Variants in SLC15A4 observed in about 807,000 individuals in gnomAD.
SLC15A4 encodes hPHT1.
In SLC15A4, 26 loss-of-function variants were observed where a neutral mutation model predicts 46.1. That is an observed-to-expected ratio of 0.56 (90% CI 0.41 to 0.78). The LOEUF (loss-of-function observed/expected upper bound fraction) is 0.78. SLC15A4 is among the 30% of genes least tolerant of loss of function. The probability of loss-of-function intolerance (pLI) is 0.00; values close to 1 mark genes in which losing one functional copy is unlikely to be tolerated. For missense variants in SLC15A4, 751 were observed against 755.7 expected (o/e 0.99, Z 0.07); for synonymous variants, 370 against 333.4 (o/e 1.11, Z -1.20).
intron 1 of SLC15A4, 96 bp from the exon 2 acceptor site, chr12:128,815,166 C>T (rs1223644996): frequency 8.2e-7 from 1 of 1,213,598 alleles, no homozygotes; most frequent in Non-Finnish European, 1.2e-6. Flanking sequence ...CCGTTGTCAT[C>T]ACAACCTTTA....
Position 128,823,720 on chromosome 12 carries a change from C to G in SLC15A4, c.224G>C (p.Ser75Thr), listed in dbSNP as rs201649968. 3,289 of 1,537,286 alleles carry G rather than the reference C, an allele frequency of 2.1e-3. 32 individuals carry two copies. The highest frequency in any genetic ancestry group is 0.021 in the South Asian group (1,756 of 83,528). Residue 75 changes from serine to threonine, a missense_variant, in exon 1 of 8, where the codon AGC (serine) becomes ACC (threonine). By Grantham distance (58) the Ser-to-Thr change is moderately conservative (BLOSUM62 1). Transcript: ENST00000266771. ...GCCCATGAAGAGCAGCAGCGCCTCGCTGGCCTGCGCGCCCTCCCAGCAGAA... is the reference window on the plus strand; with the variant it reads ...GCCCATGAAGAGCAGCAGCGCCTCGGTGGCCTGCGCGCCCTCCCAGCAGAA... ...APFCWEGAQA[S>T]EALLLFMGLT...
intron 5 of SLC15A4, among the ~76,000 whole-genome samples, chr12:128,803,118 G>A (rs1195590971): frequency 9.4e-6 from 1 of 106,832 alleles, no homozygotes; most frequent in Non-Finnish European, 2.4e-5. Context: ...CAACACAGCA[G>A]TCAGGATAAA....
intron 1 of SLC15A4, among the ~76,000 whole-genome samples, chr12:128,816,204 G>A (rs1955749371): frequency 2.6e-5 from 4 of 152,160 alleles, no homozygotes; most frequent in African/African-American, 9.7e-5. Context: ...CCCAAGCGGT[G>A]GGAACAGGTC....
At chr12:128,815,194 A>C (rs1443527786) in intron 1 of SLC15A4, 124 bp from the exon 2 acceptor site, 2 of 918,958 alleles carry the variant, frequency 2.2e-6, no homozygotes, top group East Asian at 4.9e-5. Context: ...CAACACAATC[A>C]AAATTGTGTT....
At position 128,811,016 on chromosome 12, in the gene SLC15A4, T is replaced by C. The variant is rs547884130; in HGVS notation, c.843-905A>G. Among the ~76,000 whole-genome samples, 7 of 152,282 alleles carry C rather than the reference T, an allele frequency of 4.6e-5. No homozygotes were observed. In the East Asian group the frequency reaches 1.4e-3, roughly 29 times the overall value. On this transcript the variant is annotated intron_variant, in intron 2 of 7. Transcript: ENST00000266771. ...TCACAGCAGGAACATGGACCTGGCA[T>C]CCCCAGCTCTTGTACTAACGAGTTT...
chr12:128,811,252 G>A (rs923632898), intron 2 of SLC15A4, among the ~76,000 whole-genome samples: 3 of 152,138 alleles, frequency 2.0e-5, no homozygotes, highest in African/African-American at 7.2e-5. Flanking sequence ...TTTAACTGTG[G>A]GAAGCCAACA....
chr12:128,800,017 A>G (rs1190880655), intron 6 of SLC15A4, among the ~76,000 whole-genome samples: 2 of 151,904 alleles, frequency 1.3e-5, no homozygotes, highest in Non-Finnish European at 2.9e-5. Context: ...AATTTTTTGT[A>G]TTTTTAGTAG....
At chr12:128,820,585 T>C (rs1422629401) in intron 1 of SLC15A4, among the ~76,000 whole-genome samples, 3 of 152,196 alleles carry the variant, frequency 2.0e-5, no homozygotes, top group Admixed American at 6.5e-5. Context: ...CTGTGTAACT[T>C]TGGGCCAATG....
At chr12:128,821,763 G>A (rs4760521) in intron 1 of SLC15A4, among the ~76,000 whole-genome samples, 50,101 of 151,636 alleles carry the variant, frequency 0.33, 8,426 homozygotes, top group Non-Finnish European at 0.36. Context: ...GCGTGCACGT[G>A]TAGTCTCAAC....
intron 5 of SLC15A4, among the ~76,000 whole-genome samples, chr12:128,806,988 C>A (rs181074906): frequency 1.3e-5 from 2 of 150,480 alleles, no homozygotes; most frequent in Non-Finnish European, 2.9e-5. Context: ...ACTGCAACCT[C>A]CACCTCCCGG....
In SLC15A4 at chr12:128,793,939, G is replaced by A. The variant is rs1955414827; in HGVS notation, c.*257C>T. On this transcript the variant is annotated 3_prime_UTR_variant, in exon 8 of 8. Coordinates refer to ENST00000266771, the MANE Select transcript of SLC15A4 (RefSeq NM_145648.4). ...AGGGAACCCAGCTAGAGGATTCACA[G>A]AGACCTTGAATGACAAGCGACATAC... is the stretch of plus-strand genomic sequence containing the variant. The A allele has an allele frequency of 1.2e-5, 4 of 344,642 alleles. No homozygotes were observed. Among genetic ancestry groups the A allele is most frequent in the Admixed American group, 9.2e-5 (2 of 21,666 alleles). The allele number at this position is 344,642 out of a possible 1,614,324, so 21.3% of individuals were successfully genotyped here. A position where few individuals can be genotyped will look rare whatever the true frequency, so the allele number is the denominator to read the frequency against.
intron 2 of SLC15A4, 188 bp from the exon 3 acceptor site, chr12:128,810,299 CT>C: frequency 1.8e-6 from 1 of 562,980 alleles, no homozygotes; most frequent in African/African-American, 1.9e-5. Context: ...ACAGAATGTA[CT>C]GAAACAGCTG....
At chr12:128,795,461 C>G (rs1386936510) in intron 7 of SLC15A4, among the ~76,000 whole-genome samples, 3 of 152,182 alleles carry the variant, frequency 2.0e-5, no homozygotes, top group Admixed American at 2.0e-4. Context: ...AGCTATAAGG[C>G]TTGAATCCGG....
chr12:128,799,305 C>T lies in SLC15A4; in HGVS notation c.1527G>A (p.Leu509=), dbSNP rs1202012565. Reference sequence around the variant, plus strand: ...TCCATCCGATGGCTTTGATAGACACCAGTGCCAGCAGTCCAGAACCCACGA... The same window carrying T: ...TCCATCCGATGGCTTTGATAGACACTAGTGCCAGCAGTCCAGAACCCACGA... ...GSFVGSGLLA[L]VSIKAIGWMS... Residue 509 remains leucine, a synonymous_variant, in exon 7 of 8, where the codon CTG becomes CTA. Transcript: ENST00000266771. The T allele has an allele frequency of 5.0e-6, 8 of 1,614,120 alleles. No homozygotes were observed. The highest frequency in any genetic ancestry group is 6.8e-6 in the Non-Finnish European group (8 of 1,180,020).
intron 1 of SLC15A4, among the ~76,000 whole-genome samples, chr12:128,822,031 G>A (rs1294778677): frequency 6.6e-6 from 1 of 152,208 alleles, no homozygotes; most frequent in South Asian, 2.1e-4. Context: ...ACCCAGTAAA[G>A]CTCTCGACTG....
chr12:128,802,880 A>G (rs1361601062), intron 5 of SLC15A4, among the ~76,000 whole-genome samples: 1 of 152,228 alleles, frequency 6.6e-6, no homozygotes, highest in Non-Finnish European at 1.5e-5. Flanking sequence ...GCAGCGGCAA[A>G]GGCGCACACA....
intron 5 of SLC15A4, among the ~76,000 whole-genome samples, chr12:128,805,929 C>T (rs193074520): frequency 2.1e-3 from 325 of 152,070 alleles, no homozygotes; most frequent in African/African-American, 7.0e-3. Context: ...TGCTTATAAT[C>T]CCAGCACTTT....
At chr12:128,814,686 A>G in intron 2 of SLC15A4, 89 bp downstream of exon 2, 1 of 1,387,958 alleles carries the variant, frequency 7.2e-7, no homozygotes, top group Non-Finnish European at 1.0e-6. Flanking sequence ...CCAGCACACA[A>G]TAAGCACACA....
intron 2 of SLC15A4, among the ~76,000 whole-genome samples, chr12:128,812,451 C>T (rs1290174067): frequency 1.3e-5 from 2 of 152,186 alleles, no homozygotes; most frequent in Admixed American, 6.5e-5. Flanking sequence ...CCCCATGTAA[C>T]TGGCACTACA....
Sources: allele counts gnomAD v4.1 joint callset (sites outside exome capture counted in the v4.1 genomes callset), GRCh38; gene constraint gnomAD v4.1.1; transcripts MANE v1.5; gene names NCBI Gene and HGNC (gene_info 2026-07-23, HGNC 2026-07-21).